The following SLC9D1 variants were observed in gnomAD, a reference collection of about 807,000 sequenced individuals.
SLC9D1 encodes the protein solute carrier family 9 member D1.
chr13:113,531,295 G>A, the SLC9D1 span, among the ~76,000 whole-genome samples: 4 of 151,918 alleles, frequency 2.6e-5, no homozygotes, highest in South Asian at 2.1e-4. Context: ...ACCTGTCCGC[G>A]GGCCAGACGT....
the SLC9D1 span, chr13:113,534,382 A>T: frequency 1.5e-6 from 1 of 686,742 alleles, no homozygotes; most frequent in South Asian, 1.9e-5. Flanking sequence ...TTTTATACAC[A>T]CTTTCTTATA....
chr13:113,517,391 C>G, the SLC9D1 span, among the ~76,000 whole-genome samples: 4 of 152,136 alleles, frequency 2.6e-5, no homozygotes, highest in African/African-American at 7.2e-5. Flanking sequence ...CGCCACCACG[C>G]CCGGCTAATT....
chr13:113,549,202 T>C, the SLC9D1 span, among the ~76,000 whole-genome samples: 25 of 152,276 alleles, frequency 1.6e-4, no homozygotes, highest in Non-Finnish European at 3.4e-4. Context: ...GAATTTATGA[T>C]GTGCAGGCGT....
the SLC9D1 span, chr13:113,549,878 T>G: frequency 1.9e-6 from 1 of 530,158 alleles, no homozygotes; most frequent in Non-Finnish European, 3.3e-6. Context: ...CATAGTTTTT[T>G]TAGTAAAGAA....
At chr13:113,522,751 C>T in the SLC9D1 span, among the ~76,000 whole-genome samples, 1 of 152,152 alleles carries the variant, frequency 6.6e-6, no homozygotes, top group Admixed American at 6.5e-5. Flanking sequence ...TCCTGCCCAG[C>T]CTTCCGAGCA....
chr13:113,508,914 C>T, the SLC9D1 span, among the ~76,000 whole-genome samples: 8 of 151,916 alleles, frequency 5.3e-5, no homozygotes, highest in Non-Finnish European at 8.8e-5. Context: ...TTGGGGCTGG[C>T]GGGCTTGGTG....
the SLC9D1 span, chr13:113,498,657 A>G: frequency 2.8e-5 from 19 of 675,478 alleles, no homozygotes; most frequent in Non-Finnish European, 4.5e-5. Flanking sequence ...TCTCTGTCGT[A>G]GAGAAAATAA....
At chr13:113,500,076 C>T in the SLC9D1 span, 2 of 1,595,528 alleles carry the variant, frequency 1.3e-6, no homozygotes, top group Non-Finnish European at 1.7e-6. Context: ...CTGATTGACT[C>T]CCAGAACAAC....
At chr13:113,504,592 T>C in the SLC9D1 span, 1 of 152,250 alleles carries the variant, frequency 6.6e-6, no homozygotes, top group Non-Finnish European at 1.5e-5. Context: ...CGACGTTTGA[T>C]TTTCCATTCC....
the SLC9D1 span, chr13:113,528,177 G>A: frequency 6.6e-6 from 1 of 152,174 alleles, no homozygotes; most frequent in East Asian, 1.9e-4. Flanking sequence ...CCTTCAAGTT[G>A]TGATTTTCCC....
chr13:113,534,115 C>A, the SLC9D1 span: 3 of 1,552,042 alleles, frequency 1.9e-6, no homozygotes, highest in Admixed American at 1.7e-5. Flanking sequence ...GGCGGTTTTT[C>A]TTTTATGTCT....
chr13:113,526,035 A>G, the SLC9D1 span, among the ~76,000 whole-genome samples: 8 of 66,482 alleles, frequency 1.2e-4, no homozygotes, highest in Non-Finnish European at 2.0e-4. Context: ...GACGACAGCT[A>G]TGTGCCGGTT....
chr13:113,493,516 G>A, the SLC9D1 span, among the ~76,000 whole-genome samples: 1 of 152,142 alleles, frequency 6.6e-6, no homozygotes, highest in Non-Finnish European at 1.5e-5. Flanking sequence ...GCATGACTAA[G>A]TGATTGCCTC....
At chr13:113,513,898 A>G in the SLC9D1 span, among the ~76,000 whole-genome samples, 2 of 152,180 alleles carry the variant, frequency 1.3e-5, no homozygotes, top group Non-Finnish European at 2.9e-5. Flanking sequence ...GCCAGCTCTC[A>G]AGACTGAGGA....
the SLC9D1 span, chr13:113,547,167 C>T: frequency 1.4e-6 from 1 of 719,506 alleles, no homozygotes; most frequent in African/African-American, 1.8e-5. Flanking sequence ...CTGTTGCTTT[C>T]ACACGTGCAC....
At chr13:113,503,364 TG>T in the SLC9D1 span, 1 of 609,542 alleles carries the variant, frequency 1.6e-6, no homozygotes, top group South Asian at 2.0e-5. Context: ...TGTGTGTGTG[TG>T]TGTGTGTGTG....
chr13:113,540,231 C>T, the SLC9D1 span, among the ~76,000 whole-genome samples: 845 of 152,216 alleles, frequency 5.6e-3, 6 homozygotes, highest in African/African-American at 0.019. Flanking sequence ...GGCAGAAGGA[C>T]GTATGTTCCT....
At chr13:113,530,452 GTA>G in the SLC9D1 span, 1 of 152,182 alleles carries the variant, frequency 6.6e-6, no homozygotes, top group East Asian at 1.9e-4. Flanking sequence ...ATATATATAT[GTA>G]TATATAACAA....
chr13:113,540,412 T>G, the SLC9D1 span, among the ~76,000 whole-genome samples: 1 of 152,228 alleles, frequency 6.6e-6, no homozygotes, highest in African/African-American at 2.4e-5. Context: ...GCCTTTTGAC[T>G]TTTTAGAATC....
Sources: allele counts gnomAD v4.1 joint callset (sites outside exome capture counted in the v4.1 genomes callset), GRCh38; gene constraint gnomAD v4.1.1; transcripts MANE v1.5; gene names NCBI Gene and HGNC (gene_info 2026-07-23, HGNC 2026-07-21).